SPAG4: variants seen among roughly 807,000 people sequenced by gnomAD.
SPAG4 encodes the protein sperm associated antigen 4, also known as sperm-associated antigen 4 protein.
SPAG4 carries 54 observed loss-of-function variants against 53.9 expected under a neutral mutation model. The ratio of observed to expected loss-of-function variants is 1.00; its 90% CI spans 0.80 to 1.26. The LOEUF (loss-of-function observed/expected upper bound fraction) is 1.26, where lower values mean the gene tolerates loss of function less well. Among genes scored for constraint, SPAG4 ranks in the 50% most tolerant of loss-of-function variants. The pLI is 0.00. For missense variants in SPAG4, 548 were observed against 568.6 expected (o/e 0.96, Z 0.37); for synonymous variants, 246 against 237.4 (o/e 1.04, Z -0.33).
chr20:35,619,527 G>T (rs942578790), intron 9 of SPAG4, 52 bp from the exon 10 acceptor site: 3 of 1,589,906 alleles, frequency 1.9e-6, no homozygotes, highest in Non-Finnish European at 2.6e-6. Flanking sequence ...GCTGGGGAGC[G>T]GCAGCAGTCG....
At position 35,619,142 on chromosome 20, in the gene SPAG4, C is replaced by CCCG. The variant is rs2031489104; in HGVS notation, c.794-52_794-51insCGC. 7 of 1,173,492 alleles carry CCCG rather than the reference C, an allele frequency of 6.0e-6. No homozygotes were observed. The African/African-American group carries it at 8.6e-5, about 14-fold the overall frequency. The allele number at this position is 1,173,492 out of a possible 1,614,324, so 72.7% of individuals were successfully genotyped here. On this transcript the variant is annotated intron_variant, in intron 8 of 11. Coordinates refer to ENST00000374273, the MANE Select transcript of SPAG4 (RefSeq NM_003116.3). ...CCCCCAGCCCCCGCGCCCCCGCGCC[C>CCCG]CGACTCCCGGCAAGGCCTGGGAGCC...
intron 7 of SPAG4, 68 bp downstream of exon 7, chr20:35,618,788 C>T: frequency 1.4e-6 from 2 of 1,442,036 alleles, no homozygotes; most frequent in Non-Finnish European, 1.9e-6. Flanking sequence ...ACTTAAGCTC[C>T]GCCCAGAGCC....
chr20:35,618,950 C>T lies in SPAG4; in HGVS notation c.745C>T (p.Leu249=). ...AGTGGCCAAGCTCGTGTTCCAGAGG[C>T]TGAATGAGGATTTTGTGCGGAAGCC... is the stretch of plus-strand genomic sequence containing the variant. ...ERVAKLVFQR[L]NEDFVRKPDY... Residue 249 remains leucine, a synonymous_variant, in exon 8 of 12, where the codon CTG becomes TTG. Transcript: ENST00000374273. 3 of 1,614,216 alleles carry T rather than the reference C, an allele frequency of 1.9e-6. No homozygotes were observed. Among genetic ancestry groups the T allele is most frequent in the Non-Finnish European group, 2.5e-6 (3 of 1,180,022 alleles).
intron 9 of SPAG4, 75 bp downstream of exon 9, chr20:35,619,385 C>G: frequency 6.8e-7 from 1 of 1,470,820 alleles, no homozygotes. Context: ...GCCCTACAGG[C>G]GGAGCTTGGC....
In SPAG4 at chr20:35,616,144, C is replaced by T; in HGVS notation, c.141C>T (p.Pro47=). The T allele has an allele frequency of 6.2e-7, 1 of 1,604,108 alleles. No homozygotes were observed. Among genetic ancestry groups the T allele is most frequent in the South Asian group, 1.1e-5 (1 of 90,298 alleles). ...LRSAEPGPGE[P]EGRRARGPSC... ...CAGCGGAGCCCGGGCCTGGGGAGCCCGAGGGCAGAAGAGCCCGGGGCCCGA... is the reference window on the plus strand; with the variant it reads ...CAGCGGAGCCCGGGCCTGGGGAGCCTGAGGGCAGAAGAGCCCGGGGCCCGA... Residue 47 remains proline, a synonymous_variant, in exon 1 of 12, where the codon CCC becomes CCT. Coordinates refer to ENST00000374273, the MANE Select transcript of SPAG4 (RefSeq NM_003116.3).
At position 35,619,352 on chromosome 20, in the gene SPAG4, G is replaced by A. The variant is rs193064744; in HGVS notation, c.909+42G>A. ...CCCGGGATGGGACCCCGGGCGGGAC[G>A]CTGGGAAAAGCACCAAAACCCCGCC... On this transcript the variant is annotated intron_variant, in intron 9 of 11. Transcript: ENST00000374273. The A allele has an allele frequency of 2.3e-5, 36 of 1,569,272 alleles. No individual in the cohort carries two copies. The East Asian group carries it at 7.2e-4, about 31-fold the overall frequency.
At chr20:35,620,570 A>G (rs1291568049) in intron 10 of SPAG4, 114 bp from the exon 11 acceptor site, 3 of 701,976 alleles carry the variant, frequency 4.3e-6, no homozygotes, top group Middle Eastern at 4.0e-4. Context: ...ATACATGAGA[A>G]CATGCATATA....
intron 7 of SPAG4, 55 bp downstream of exon 7, chr20:35,618,775 G>C (rs925627470): frequency 7.8e-5 from 114 of 1,469,110 alleles, no homozygotes; most frequent in Non-Finnish European, 1.0e-4. Context: ...CCAGGGTCCT[G>C]AGACTTAAGC....
rs1261616553 is a variant in SPAG4, at chr20:35,617,422, G to A, written c.410-98G>A. 23 of 950,412 alleles carry A rather than the reference G, an allele frequency of 2.4e-5. No homozygotes were observed. The Admixed American group carries it at 3.9e-4, about 16-fold the overall frequency. 58.9% of individuals were successfully genotyped at this position (950,412 alleles called of 1,614,324 possible). On this transcript the variant is annotated intron_variant, in intron 2 of 11. Coordinates refer to ENST00000374273, the MANE Select transcript of SPAG4 (RefSeq NM_003116.3). ...CTTCCTGAGCCCCAGGCCCACCCCC[G>A]GCCCCTCCCAAGCCCCTTCTGAACC...
At chr20:35,616,879 C>T in intron 1 of SPAG4, 1 of 500,370 alleles carries the variant, frequency 2.0e-6, no homozygotes, top group South Asian at 2.5e-5. Flanking sequence ...ATCCGCCCGC[C>T]TCGGCCTCCC....
In SPAG4 at chr20:35,617,158, C is replaced by G; in HGVS notation, c.327C>G (p.Val109=). Residue 109 remains valine, a synonymous_variant, in exon 2 of 12, where the codon GTC becomes GTG. Coordinates refer to ENST00000374273, the MANE Select transcript of SPAG4 (RefSeq NM_003116.3). The part of the protein sequence containing the change: ...GASEPTGSPV[V]SEEPLDLLPT... ...CAGAACCGACTGGGTCTCCAGTAGTCTCTGAGGAGCCGCTCGACCTTCTCC... is the reference window on the plus strand; with the variant it reads ...CAGAACCGACTGGGTCTCCAGTAGTGTCTGAGGAGCCGCTCGACCTTCTCC... 1 of 1,591,410 alleles carries G rather than the reference C, an allele frequency of 6.3e-7. No individual in the cohort carries two copies. Among genetic ancestry groups the G allele is most frequent in the Non-Finnish European group, 8.6e-7 (1 of 1,168,598 alleles).
In SPAG4 at chr20:35,615,956, A is replaced by C; in HGVS notation, c.-48A>C. The C allele has an allele frequency of 6.3e-7, 1 of 1,591,394 alleles. No homozygotes were observed. The highest frequency in any genetic ancestry group is 8.5e-7 in the Non-Finnish European group (1 of 1,169,700). On this transcript the variant is annotated 5_prime_UTR_variant, in exon 1 of 12. Coordinates refer to ENST00000374273, the MANE Select transcript of SPAG4 (RefSeq NM_003116.3). ...TGAAGGAGGCCCCAGGGCCTTGGCG[A>C]CCGCAGCGGCGGCTTTAGCGTCAGT...
At chr20:35,618,871 A>G (rs373812910) in intron 7 of SPAG4, 52 bp from the exon 8 acceptor site, 2 of 1,566,892 alleles carry the variant, frequency 1.3e-6, no homozygotes, top group Non-Finnish European at 8.8e-7. Flanking sequence ...GTCCACCTGT[A>G]AAAGCAGCCC....
intron 1 of SPAG4, among the ~76,000 whole-genome samples, chr20:35,616,682 T>C (rs2031395328): frequency 6.6e-6 from 1 of 150,944 alleles, no homozygotes; most frequent in African/African-American, 2.4e-5. Context: ...GCCCATGCCA[T>C]GCAATGGCAT....
intron 1 of SPAG4, 69 bp from the exon 2 acceptor site, chr20:35,617,067 G>C: frequency 9.8e-7 from 1 of 1,021,380 alleles, no homozygotes; most frequent in Non-Finnish European, 1.5e-6. Flanking sequence ...AGCAATCTGC[G>C]GCCCGGTCTC....
At chr20:35,619,525 G>T in intron 9 of SPAG4, 54 bp from the exon 10 acceptor site, 8 of 1,588,860 alleles carry the variant, frequency 5.0e-6, no homozygotes, top group Non-Finnish European at 6.9e-6. Flanking sequence ...GGGCTGGGGA[G>T]CGGCAGCAGT....
intron 2 of SPAG4, 118 bp downstream of exon 2, chr20:35,617,358 C>A: frequency 1.1e-6 from 1 of 941,198 alleles, no homozygotes; most frequent in Middle Eastern, 3.1e-4. Context: ...AGCCTCAACT[C>A]ATTCCTAGCC....
intron 5 of SPAG4, 48 bp from the exon 6 acceptor site, chr20:35,618,402 G>C: frequency 6.2e-7 from 1 of 1,612,740 alleles, no homozygotes. Flanking sequence ...GTAGGAGCAA[G>C]GACGACGGGA....
At position 35,620,774 on chromosome 20, in the gene SPAG4, GTGTGTT is replaced by G. The variant is rs779628269; in HGVS notation, c.1167+5_1167+10del. The G allele has an allele frequency of 3.7e-6, 6 of 1,613,986 alleles. No individual in the cohort carries two copies. The highest frequency in any genetic ancestry group is 5.1e-6 in the Non-Finnish European group (6 of 1,179,950). ...GGAGATTCAGACTTTCCACCTGCAGGTGTGTTTGTCTCTAGGGTGAAGGTGCCAAGG... is the reference window on the plus strand; with the variant it reads ...GGAGATTCAGACTTTCCACCTGCAGGTGTCTCTAGGGTGAAGGTGCCAAGG... On this transcript the variant is annotated splice_donor_variant and splice_donor_5th_base_variant and intron_variant, in intron 11 of 11. Transcript: ENST00000374273. LOFTEE classifies it high-confidence loss of function.
Sources: gnomAD v4.1 joint callset for allele counts (sites outside exome capture counted in the v4.1 genomes callset) on GRCh38, gnomAD v4.1.1 for gene constraint, MANE v1.5 for transcripts, NCBI Gene and HGNC (gene_info 2026-07-23, HGNC 2026-07-21) for gene names.